The following PTPRR variants were observed in gnomAD, a reference collection of about 807,000 sequenced individuals.
The protein encoded by PTPRR is receptor-type tyrosine-protein phosphatase R.
PTPRR carries 38 observed loss-of-function variants against 77.2 expected under a neutral mutation model. The ratio of observed to expected loss-of-function variants is 0.49; its 90% CI spans 0.38 to 0.65. PTPRR has a LOEUF of 0.65. Among genes scored for constraint, PTPRR ranks in the 30% least tolerant of loss-of-function variants. The probability of loss-of-function intolerance (pLI) is 0.00; values close to 1 mark genes in which losing one functional copy is unlikely to be tolerated. For synonymous variants in PTPRR, 299 were observed against 283.1 expected, an observed-to-expected ratio of 1.06 and a Z score of -0.57; for missense variants, 744 against 799.2, an observed-to-expected ratio of 0.93 and a Z score of 0.83.
chr12:70,647,768 A>G (rs1401454907), intron 13 of PTPRR, among the ~76,000 whole-genome samples: 1 of 152,192 alleles, frequency 6.6e-6, no homozygotes, highest in Non-Finnish European at 1.5e-5. Flanking sequence ...TTCAACTATA[A>G]TTTTAAAAAA....
intron 5 of PTPRR, among the ~76,000 whole-genome samples, 195 bp downstream of exon 5, chr12:70,753,996 G>C (rs990119949): frequency 6.6e-6 from 1 of 152,060 alleles, no homozygotes; most frequent in Non-Finnish European, 1.5e-5. Context: ...TTATTATTCA[G>C]GTCAGCATCC....
chr12:70,639,602 C>T (rs1304022672), intron 13 of PTPRR: 1 of 769,050 alleles, frequency 1.3e-6, no homozygotes, highest in Non-Finnish European at 1.6e-6. Context: ...TCAAATCCCT[C>T]CTCTGCCAAT....
chr12:70,911,377 CA>C (rs750919628), intron 1 of PTPRR, among the ~76,000 whole-genome samples: 2 of 152,124 alleles, frequency 1.3e-5, no homozygotes, highest in Non-Finnish European at 2.9e-5. Flanking sequence ...TTGAGCTTTT[CA>C]CCCTTTGTGG....
At chr12:70,836,871 A>G (rs1365648729) in intron 2 of PTPRR, among the ~76,000 whole-genome samples, 4 of 152,186 alleles carry the variant, frequency 2.6e-5, no homozygotes, top group East Asian at 1.9e-4. Context: ...TCTGGTCTCA[A>G]TGACAGTATG....
At chr12:70,885,823 G>A (rs1893231470) in intron 2 of PTPRR, among the ~76,000 whole-genome samples, 1 of 152,100 alleles carries the variant, frequency 6.6e-6, no homozygotes, top group African/African-American at 2.4e-5. Context: ...GAGCCACCAC[G>A]CCTGGCTGGT....
At chr12:70,703,721 G>A (rs755026141) in intron 6 of PTPRR, among the ~76,000 whole-genome samples, 5 of 152,086 alleles carry the variant, frequency 3.3e-5, no homozygotes, top group South Asian at 2.1e-4. Flanking sequence ...GAGAGAGGCC[G>A]CTTAAGGGAT....
At chr12:70,755,137 G>T (rs1268905688) in intron 4 of PTPRR, among the ~76,000 whole-genome samples, 1 of 152,120 alleles carries the variant, frequency 6.6e-6, no homozygotes, top group Non-Finnish European at 1.5e-5. Context: ...TTTAGTGACA[G>T]TATAGATTTA....
At chr12:70,897,178 C>T (rs190270650) in intron 1 of PTPRR, among the ~76,000 whole-genome samples, 17 of 152,086 alleles carry the variant, frequency 1.1e-4, no homozygotes, top group South Asian at 6.2e-4. Flanking sequence ...TAAAGAGCTT[C>T]TGCACAGCAA....
chr12:70,671,077 T>C (rs1887204488), intron 10 of PTPRR, among the ~76,000 whole-genome samples: 1 of 152,218 alleles, frequency 6.6e-6, no homozygotes, highest in Non-Finnish European at 1.5e-5. Context: ...TCCATCTCCA[T>C]ATGTTTTTTG....
intron 2 of PTPRR, among the ~76,000 whole-genome samples, 184 bp downstream of exon 2, chr12:70,892,495 C>T (rs1214545716): frequency 6.6e-6 from 1 of 152,002 alleles, no homozygotes; most frequent in Non-Finnish European, 1.5e-5. Context: ...TTTCTGATTT[C>T]GTAAGAGGAA....
At chr12:70,763,335 G>T (rs1890736487) in intron 3 of PTPRR, among the ~76,000 whole-genome samples, 1 of 152,072 alleles carries the variant, frequency 6.6e-6, no homozygotes, top group South Asian at 2.1e-4. Context: ...GTTTTACCAT[G>T]TTGGCCAGGC....
intron 1 of PTPRR, among the ~76,000 whole-genome samples, chr12:70,911,766 A>C (rs1893704069): frequency 6.7e-6 from 1 of 149,696 alleles, no homozygotes; most frequent in Non-Finnish European, 1.5e-5. Context: ...AAAAAAAAAA[A>C]ACCACTCAGA....
At chr12:70,894,594 G>A (rs1012053187) in intron 1 of PTPRR, among the ~76,000 whole-genome samples, 14 of 151,632 alleles carry the variant, frequency 9.2e-5, no homozygotes, top group Admixed American at 6.6e-5. Flanking sequence ...ATATTATTTA[G>A]TAAATTATTT....
chr12:70,677,498 GAA>G (rs1373444210), intron 10 of PTPRR, among the ~76,000 whole-genome samples: 1 of 152,178 alleles, frequency 6.6e-6, no homozygotes, highest in Non-Finnish European at 1.5e-5. Flanking sequence ...GATCTTAGGA[GAA>G]AAGCTTTCAA....
At chr12:70,762,135 C>T (rs927181103) in intron 3 of PTPRR, among the ~76,000 whole-genome samples, 1 of 152,150 alleles carries the variant, frequency 6.6e-6, no homozygotes, top group African/African-American at 2.4e-5. Context: ...TGATACTGTT[C>T]TTCACGTCAA....
At chr12:70,880,347 C>A (rs939660251) in intron 2 of PTPRR, among the ~76,000 whole-genome samples, 1 of 152,072 alleles carries the variant, frequency 6.6e-6, no homozygotes, top group Admixed American at 6.6e-5. Flanking sequence ...AATTTGGGAT[C>A]CTAACACAGT....
At chr12:70,824,342 C>G (rs1892073220) in intron 2 of PTPRR, among the ~76,000 whole-genome samples, 1 of 152,078 alleles carries the variant, frequency 6.6e-6, no homozygotes, top group South Asian at 2.1e-4. Flanking sequence ...GAAACAAATA[C>G]TTTTTCAATC....
chr12:70,713,408 C>T (rs1480195530), intron 6 of PTPRR, among the ~76,000 whole-genome samples: 3 of 152,100 alleles, frequency 2.0e-5, no homozygotes, highest in African/African-American at 7.2e-5. Context: ...TTTGGGTATA[C>T]ACCTAGGAAT....
chr12:70,678,337 G>A (rs576878903), intron 10 of PTPRR, among the ~76,000 whole-genome samples: 55 of 152,238 alleles, frequency 3.6e-4, no homozygotes, highest in African/African-American at 1.3e-3. Flanking sequence ...CACAGCACCC[G>A]GCCAGGATAG....
Sources: gnomAD v4.1 joint callset for allele counts (sites outside exome capture counted in the v4.1 genomes callset) on GRCh38, gnomAD v4.1.1 for gene constraint, MANE v1.5 for transcripts, NCBI Gene and HGNC (gene_info 2026-07-23, HGNC 2026-07-21) for gene names.